The following PIP4K2A variants were observed in gnomAD, a reference collection of about 807,000 sequenced individuals.
PIP4K2A encodes the protein phosphatidylinositol-5-phosphate 4-kinase type 2 alpha.
A neutral mutation model predicts 42.9 loss-of-function variants in PIP4K2A; 14 were observed. That is an observed-to-expected ratio of 0.33 (90% CI 0.22 to 0.51). The LOEUF (loss-of-function observed/expected upper bound fraction) is 0.51, where lower values mean the gene tolerates loss of function less well. Ranked by LOEUF, PIP4K2A falls within the 20% of genes least tolerant of loss-of-function variation. The probability of loss-of-function intolerance (pLI) is 0.97; values close to 1 mark genes in which losing one functional copy is unlikely to be tolerated. For missense variants in PIP4K2A, 434 were observed against 519.8 expected (o/e 0.83, Z 1.61); for synonymous variants, 192 against 192.2 (o/e 1.00, Z 0.01).
At chr10:22,582,271 C>T (rs984259434) in intron 4 of PIP4K2A, among the ~76,000 whole-genome samples, 3 of 151,664 alleles carry the variant, frequency 2.0e-5, no homozygotes, top group Non-Finnish European at 2.9e-5. Flanking sequence ...AAACATAAAA[C>T]GTAACAGCCA....
intron 4 of PIP4K2A, among the ~76,000 whole-genome samples, chr10:22,577,742 C>CT (rs1349175582): frequency 6.6e-6 from 1 of 152,236 alleles, no homozygotes; most frequent in Admixed American, 6.5e-5. Context: ...AGCATCCTCC[C>CT]TCTCAGTCCA....
intron 6 of PIP4K2A, among the ~76,000 whole-genome samples, chr10:22,552,940 C>T (rs1445052950): frequency 1.3e-5 from 2 of 152,074 alleles, no homozygotes; most frequent in Non-Finnish European, 2.9e-5. Context: ...AGACCCCCGA[C>T]AAGGCAGTAA....
chr10:22,667,865 CTGTGTGTGTGTGTG>C lies in PIP4K2A; in HGVS notation c.144+46304_144+46317del, dbSNP rs10603287. ...AAATCCTGAAGTTTTCAGTGAACTT[CTGTGTGTGTGTGTG>C]TGTGTGTGTGTGTGTGTGTGTGTGT... is the stretch of plus-strand genomic sequence containing the variant. On this transcript the variant is annotated intron_variant, in intron 1 of 9. Transcript: ENST00000376573. 5.9e-3 allele frequency among the ~76,000 whole-genome samples: 786 copies of C among 132,630 alleles called. 7 individuals are homozygous for C. The highest frequency in any genetic ancestry group is 6.3e-3 in the Admixed American group (81 of 12,942). 87.0% of individuals were successfully genotyped at this position (132,630 alleles called of 152,430 possible).
chr10:22,665,605 CTTT>C (rs34262297), intron 1 of PIP4K2A, among the ~76,000 whole-genome samples: 10 of 114,996 alleles, frequency 8.7e-5, no homozygotes, highest in Admixed American at 1.9e-4. Flanking sequence ...CCACACCTGG[CTTT>C]TTTTTTTTTT....
intron 1 of PIP4K2A, among the ~76,000 whole-genome samples, chr10:22,648,261 A>T (rs1215528904): frequency 6.6e-6 from 1 of 152,262 alleles, no homozygotes; most frequent in Non-Finnish European, 1.5e-5. Flanking sequence ...TATGTACAGA[A>T]AATATTCAGA....
At chr10:22,690,503 T>C (rs1008409305) in intron 1 of PIP4K2A, among the ~76,000 whole-genome samples, 4 of 152,244 alleles carry the variant, frequency 2.6e-5, no homozygotes, top group African/African-American at 4.8e-5. Flanking sequence ...AAATAAAATT[T>C]TGAAAAGTTT....
At chr10:22,623,624 C>T (rs915042243) in intron 1 of PIP4K2A, among the ~76,000 whole-genome samples, 6 of 152,096 alleles carry the variant, frequency 3.9e-5, no homozygotes, top group South Asian at 2.1e-4. Context: ...AGGGGACGTC[C>T]GTGCACTGCT....
At chr10:22,697,273 T>C (rs1006148556) in intron 1 of PIP4K2A, among the ~76,000 whole-genome samples, 6 of 152,260 alleles carry the variant, frequency 3.9e-5, no homozygotes, top group African/African-American at 1.4e-4. Context: ...CTTCCACACC[T>C]GCCTTGCCAG....
intron 4 of PIP4K2A, among the ~76,000 whole-genome samples, chr10:22,578,842 T>C (rs1183154131): frequency 2.0e-5 from 3 of 152,152 alleles, no homozygotes; most frequent in Admixed American, 1.3e-4. Context: ...TATACAACTG[T>C]TGAATAAATG....
intron 1 of PIP4K2A, among the ~76,000 whole-genome samples, chr10:22,673,546 A>G (rs916661336): frequency 1.3e-5 from 2 of 152,184 alleles, no homozygotes; most frequent in Non-Finnish European, 1.5e-5. Flanking sequence ...TTATTCTAAT[A>G]CAATTTAAAC....
intron 1 of PIP4K2A, among the ~76,000 whole-genome samples, chr10:22,707,411 A>C (rs1833842005): frequency 6.6e-6 from 1 of 152,164 alleles, no homozygotes; most frequent in African/African-American, 2.4e-5. Context: ...TACTGTTTTA[A>C]AACTCCCTAC....
chr10:22,702,686 T>C (rs1464772554), intron 1 of PIP4K2A, among the ~76,000 whole-genome samples: 1 of 152,130 alleles, frequency 6.6e-6, no homozygotes, highest in African/African-American at 2.4e-5. Context: ...CTCAGCAAAA[T>C]GCTCTAAAAT....
chr10:22,638,373 T>A (rs1838710816), intron 1 of PIP4K2A, among the ~76,000 whole-genome samples: 1 of 152,220 alleles, frequency 6.6e-6, no homozygotes, highest in African/African-American at 2.4e-5. Flanking sequence ...GGCCATATTC[T>A]TTGGTTAATC....
intron 1 of PIP4K2A, among the ~76,000 whole-genome samples, chr10:22,625,079 T>C (rs1025512253): frequency 6.6e-6 from 1 of 152,190 alleles, no homozygotes; most frequent in African/African-American, 2.4e-5. Context: ...ACTGGCGAGA[T>C]GTGTTGAGAA....
At chr10:22,548,322 A>T (rs532338356) in intron 7 of PIP4K2A, among the ~76,000 whole-genome samples, 9 of 152,348 alleles carry the variant, frequency 5.9e-5, no homozygotes, top group African/African-American at 2.2e-4. Context: ...AGAGTCCTCT[A>T]ATCAATGGTA....
rs187053061 is a variant in PIP4K2A, at chr10:22,627,586, T to C, written c.145-17869A>G. Among the ~76,000 whole-genome samples, 146 of 44,244 alleles carry C rather than the reference T, an allele frequency of 3.3e-3. 2 individuals are homozygous for C. The highest frequency in any genetic ancestry group is 6.9e-4 in the Non-Finnish European group (16 of 23,300). 29.0% of individuals were successfully genotyped at this position (44,244 alleles called of 152,430 possible). The stretch of plus-strand genomic sequence containing the variant: ...GCATTTGTTTAACCAAAAGCTAATA[T>C]GTAATAAAAAAAAAAAAAAAAAAAA... On this transcript the variant is annotated intron_variant, in intron 1 of 9. Transcript: ENST00000376573.
intron 1 of PIP4K2A, among the ~76,000 whole-genome samples, chr10:22,650,891 C>A (rs1020001603): frequency 6.6e-5 from 10 of 151,812 alleles, no homozygotes; most frequent in African/African-American, 2.4e-4. Context: ...TAGCCTGCTT[C>A]TACATGTCCA....
At chr10:22,684,503 G>A (rs542305286) in intron 1 of PIP4K2A, among the ~76,000 whole-genome samples, 1 of 152,180 alleles carries the variant, frequency 6.6e-6, no homozygotes, top group South Asian at 2.1e-4. Flanking sequence ...ATACATATAT[G>A]TTCATAATTT....
chr10:22,632,258 TTGTATCAG>T (rs1838566149), intron 1 of PIP4K2A, among the ~76,000 whole-genome samples: 1 of 152,224 alleles, frequency 6.6e-6, no homozygotes, highest in Non-Finnish European at 1.5e-5. Flanking sequence ...CGCAGTCATC[TTGTATCAG>T]TGTTAGTTTC....
Sources: gnomAD v4.1 joint callset for allele counts (sites outside exome capture counted in the v4.1 genomes callset) on GRCh38, gnomAD v4.1.1 for gene constraint, MANE v1.5 for transcripts, NCBI Gene and HGNC (gene_info 2026-07-23, HGNC 2026-07-21) for gene names.